Variants in DCTN1 observed in about 807,000 individuals in gnomAD.
The protein encoded by DCTN1 is 150 kDa dynein-associated polypeptide.
A neutral mutation model predicts 161.2 loss-of-function variants in DCTN1; 61 were observed. The ratio of observed to expected loss-of-function variants is 0.38; its 90% CI spans 0.31 to 0.47. The LOEUF (loss-of-function observed/expected upper bound fraction) is 0.47. DCTN1 is among the 20% of genes least tolerant of loss of function. The pLI is 0.99. For synonymous variants in DCTN1, 653 were observed against 632.4 expected (o/e 1.03, Z -0.49); for missense variants, 1,404 against 1,623.7 (o/e 0.86, Z 2.33).
chr2:74,369,464 G>A lies in DCTN1; in HGVS notation c.1420C>T (p.Leu474=), dbSNP rs139100051. The change falls in exon 14 of 32, where the codon CTG becomes TTG. Residue 474 remains leucine (L), a synonymous_variant. Coordinates refer to ENST00000628224, the MANE Select transcript of DCTN1 (RefSeq NM_004082.5). This position sits in a 1 kb window ranked among gnomAD's most constrained non-coding sequence, Gnocchi z 4.9. The stretch of plus-strand genomic sequence containing the variant: ...TCTGTCTCACGTGCATTCTCCTGCA[G>A]CTCATCGTTCATCTCATTCATCGCT... ...LEAMNEMNDE[L]QENARETELE... is the part of the protein sequence containing the mutation. The A allele has an allele frequency of 3.0e-5, 48 of 1,613,794 alleles. No individual in the cohort carries two copies. The highest frequency in any genetic ancestry group is 4.0e-5 in the Non-Finnish European group (47 of 1,180,046).
In DCTN1 at chr2:74,370,678, G is replaced by T. The variant is rs1064797256; in HGVS notation, c.991C>A (p.Arg331=). Residue 331 remains arginine, a synonymous_variant, in exon 10 of 32, where the codon CGG becomes AGG. Coordinates refer to ENST00000628224, the MANE Select transcript of DCTN1 (RefSeq NM_004082.5). This position sits in a 1 kb window ranked among gnomAD's most constrained non-coding sequence, Gnocchi z 4.4. ...LQQEVEALKE[R]VDELTTDLEI... ...AAGTCAGTAGTGAGCTCGTCCACCC[G>T]CTCCTTCAGTGCCTCCACCTCCTGC... 6 of 1,613,928 alleles carry T rather than the reference G, an allele frequency of 3.7e-6. No individual in the cohort carries two copies. The highest frequency in any genetic ancestry group is 5.1e-6 in the Non-Finnish European group (6 of 1,180,016).
chr2:74,387,641 TTC>T (rs1352555388), intron 1 of DCTN1, among the ~76,000 whole-genome samples: 2 of 152,240 alleles, frequency 1.3e-5, no homozygotes, highest in Non-Finnish European at 2.9e-5. Flanking sequence ...GTCTGGTTAA[TTC>T]TGTTTCTCCA....
rs2103698300 is a variant in DCTN1, at chr2:74,374,731, C to A, written c.415-391G>T. 4 of 1,171,260 alleles carry A rather than the reference C, an allele frequency of 3.4e-6. No homozygotes were observed. The South Asian group carries it at 5.2e-5, about 15-fold the overall frequency. The allele number at this position is 1,171,260 out of a possible 1,614,324, so 72.6% of individuals were successfully genotyped here. A position where few individuals can be genotyped will look rare whatever the true frequency, so the allele number is the denominator to read the frequency against. On this transcript the variant is annotated intron_variant, in intron 5 of 31. Coordinates refer to ENST00000628224, the MANE Select transcript of DCTN1 (RefSeq NM_004082.5). ...CCTCCTCTGCTCCATGGGGGTGGAG[C>A]CACTGCTCCTCAGTCACCTAGCAAC... is the stretch of plus-strand genomic sequence containing the variant.
rs1417650041 is a variant in DCTN1 at position 74,365,874 on chromosome 2, G to A, written c.2886+19C>T. ...ACCAATTTCCTGGCCCCCAGATCCT[G>A]AGCCTACACTACCCTCACCTTAATC... On this transcript the variant is annotated intron_variant, in intron 24 of 31. Transcript: ENST00000628224. The A allele has an allele frequency of 1.9e-6, 3 of 1,614,000 alleles. No homozygotes were observed. Among genetic ancestry groups the A allele is most frequent in the Non-Finnish European group, 1.7e-6 (2 of 1,180,008 alleles).
intron 5 of DCTN1, 89 bp from the exon 6 acceptor site, chr2:74,374,429 G>C (rs1209390116): frequency 1.9e-6 from 3 of 1,596,792 alleles, no homozygotes. Flanking sequence ...AGGAAGGACA[G>C]ACGAAGGGAG....
At position 74,362,698 on chromosome 2, in the gene DCTN1, C is replaced by G. The variant is rs950791122; in HGVS notation, c.3561G>C (p.Glu1187Asp). 6.2e-7 allele frequency: 1 copy of G among 1,614,036 alleles called. No homozygotes were observed. The highest frequency in any genetic ancestry group is 1.1e-5 in the South Asian group (1 of 91,054). The change falls in exon 30 of 32, where the codon GAG becomes GAC. Residue 1187 changes from glutamate (E) to aspartate (D), a missense_variant. Transcript: ENST00000628224. Reference sequence around the variant, plus strand: ...TCAGGGACTTAAGCTGAGCCACTTGCTCCATAAGTTGGGCCGACGGGCTCT... The same window carrying G: ...TCAGGGACTTAAGCTGAGCCACTTGGTCCATAAGTTGGGCCGACGGGCTCT... Reference protein sequence around the residue: ...AAKSPSAQLMEQVAQLKSLSD... With the variant: ...AAKSPSAQLMDQVAQLKSLSD...
At chr2:74,371,939 G>A in intron 7 of DCTN1, 1 of 574,806 alleles carries the variant, frequency 1.7e-6, no homozygotes, top group South Asian at 2.0e-5. Flanking sequence ...AAAGGACAGG[G>A]GGAGGATGGA....
intron 1 of DCTN1, among the ~76,000 whole-genome samples, chr2:74,379,750 C>T (rs1411931181): frequency 6.6e-6 from 1 of 152,178 alleles, no homozygotes; most frequent in Non-Finnish European, 1.5e-5. Context: ...TGGACCCCCT[C>T]AGGAGCCCCT....
upstream of DCTN1, among the ~76,000 whole-genome samples, chr2:74,384,288 GACTTGC>G (rs1257146795): frequency 3.9e-5 from 6 of 152,144 alleles, no homozygotes; most frequent in African/African-American, 1.4e-4. Context: ...GAAGTCAAAT[GACTTGC>G]CCAAGTCTCA....
Position 74,369,552 on chromosome 2 carries a change from C to A in DCTN1, c.1393-61G>T. On this transcript the variant is annotated intron_variant, in intron 13 of 31. Transcript: ENST00000628224. The surrounding 1 kb of genome is among the most constrained non-coding windows in gnomAD (Gnocchi z 4.9). ...GCAGGGTCGGCCAGCGGCGGTGGTT[C>A]ACACCTGTAATCCCAGCACTTTGGG... 1 of 1,554,522 alleles carries A rather than the reference C, an allele frequency of 6.4e-7. No homozygotes were observed. Among genetic ancestry groups the A allele is most frequent in the Non-Finnish European group, 8.8e-7 (1 of 1,137,276 alleles).
chr2:74,368,212 T>C, intron 16 of DCTN1, 81 bp from the exon 17 acceptor site: 2 of 1,530,062 alleles, frequency 1.3e-6, no homozygotes, highest in Non-Finnish European at 1.8e-6. Context: ...ACTCAGAGCT[T>C]AACTATGTGG....
At chr2:74,379,178 T>C (rs1188450592) in intron 1 of DCTN1, among the ~76,000 whole-genome samples, 1 of 152,138 alleles carries the variant, frequency 6.6e-6, no homozygotes, top group Non-Finnish European at 1.5e-5. Flanking sequence ...AGGTCCCAAA[T>C]AGGCCCATGG....
Position 74,370,375 on chromosome 2 carries a change from G to A in DCTN1, c.1128-30C>T, listed in dbSNP as rs1558941717. 2 of 1,614,032 alleles carry A rather than the reference G, an allele frequency of 1.2e-6. No homozygotes were observed. Among genetic ancestry groups the A allele is most frequent in the East Asian group, 2.2e-5 (1 of 44,886 alleles). On this transcript the variant is annotated intron_variant, in intron 11 of 31. Transcript: ENST00000628224. The surrounding 1 kb of genome is among the most constrained non-coding windows in gnomAD (Gnocchi z 4.4). Reference sequence around the variant, plus strand: ...AGGGATGTGAGGAAGGCAGAAGGAGGAAAGCACGTGTCAGAGTCTCTGGCG... The same window carrying A: ...AGGGATGTGAGGAAGGCAGAAGGAGAAAAGCACGTGTCAGAGTCTCTGGCG...
chr2:74,373,609 G>C (rs1436749619), intron 6 of DCTN1, among the ~76,000 whole-genome samples: 1 of 152,192 alleles, frequency 6.6e-6, no homozygotes, highest in Non-Finnish European at 1.5e-5. Context: ...GCTCAGCAAA[G>C]TAACCCCACC....
chr2:74,364,546 C>T (rs922063002), intron 26 of DCTN1: 4 of 200,612 alleles, frequency 2.0e-5, no homozygotes, highest in African/African-American at 9.3e-5. Context: ...GGTGAGGAGC[C>T]CTGACTATAC....
chr2:74,371,928 C>T (rs1674891922), intron 7 of DCTN1, 200 bp from the exon 8 acceptor site: 2 of 583,430 alleles, frequency 3.4e-6, no homozygotes, highest in South Asian at 4.0e-5. Context: ...GAGATAGTGA[C>T]AAAGGACAGG....
upstream of DCTN1, among the ~76,000 whole-genome samples, chr2:74,382,587 T>A (rs1675557660): frequency 7.8e-6 from 1 of 128,006 alleles, no homozygotes; most frequent in Non-Finnish European, 1.6e-5. Flanking sequence ...GGCGACAGAC[T>A]GAGACTCAAA....
chr2:74,362,771 C>A (rs777934253), intron 29 of DCTN1, 42 bp from the exon 30 acceptor site: 2 of 1,593,098 alleles, frequency 1.3e-6, no homozygotes, highest in Non-Finnish European at 1.7e-6. Context: ...AAGGCGCAGG[C>A]AGGCAGTTCT....
At chr2:74,380,784 C>T (rs1183436132), upstream of DCTN1, among the ~76,000 whole-genome samples, 1 of 152,194 alleles carries the variant, frequency 6.6e-6, no homozygotes, top group Non-Finnish European at 1.5e-5. Flanking sequence ...ACTTCACACA[C>T]ATAGCAAAGC....
Sources: allele counts gnomAD v4.1 joint callset (sites outside exome capture counted in the v4.1 genomes callset), GRCh38; gene constraint gnomAD v4.1.1; non-coding constraint Gnocchi (gnomAD v3.1); transcripts MANE v1.5; gene names NCBI Gene and HGNC (gene_info 2026-07-23, HGNC 2026-07-21).